Variants in KDM4C observed in about 807,000 individuals in gnomAD.
The protein encoded by KDM4C is lysine-specific demethylase 4C.
Under a neutral mutation model 129.3 loss-of-function variants are expected in KDM4C, and 81 were observed. The observed-to-expected ratio is 0.63, with a 90% confidence interval of 0.52 to 0.75. KDM4C has a LOEUF of 0.75. Ranked by LOEUF, KDM4C falls within the 30% of genes least tolerant of loss-of-function variation. KDM4C has a pLI of 0.00. For missense variants in KDM4C, 1,457 were observed against 1,304.0 expected (o/e 1.12, Z -1.81); for synonymous variants, 573 against 456.1 (o/e 1.26, Z -3.26).
chr9:7,166,869 A>G (rs972064516), intron 20 of KDM4C, among the ~76,000 whole-genome samples: 11 of 151,970 alleles, frequency 7.2e-5, no homozygotes, highest in African/African-American at 2.7e-4. Flanking sequence ...AAAAGTTAAG[A>G]CTAATATTAA....
intron 1 of KDM4C, among the ~76,000 whole-genome samples, chr9:6,767,531 TTC>T (rs994087685): frequency 5.3e-5 from 8 of 151,872 alleles, no homozygotes; most frequent in African/African-American, 1.9e-4. Context: ...GCCTCCCAGG[TTC>T]AAGCGATTCT....
chr9:6,855,295 C>G (rs1308660923), intron 5 of KDM4C, among the ~76,000 whole-genome samples: 1 of 151,748 alleles, frequency 6.6e-6, no homozygotes. Context: ...CGCATCTGTA[C>G]TAAAAATACA....
At chr9:6,903,527 T>C (rs1263960079) in intron 8 of KDM4C, among the ~76,000 whole-genome samples, 2 of 152,156 alleles carry the variant, frequency 1.3e-5, no homozygotes, top group East Asian at 3.8e-4. Context: ...TCTTGCGCTT[T>C]TACCATTTTC....
At chr9:7,122,190 G>A (rs1471770022) in intron 18 of KDM4C, among the ~76,000 whole-genome samples, 1 of 151,652 alleles carries the variant, frequency 6.6e-6, no homozygotes, top group Non-Finnish European at 1.5e-5. Flanking sequence ...AGGGGAAGCA[G>A]CTCATCTTAT....
At chr9:7,013,199 G>A (rs936040617) in intron 13 of KDM4C, among the ~76,000 whole-genome samples, 3 of 152,136 alleles carry the variant, frequency 2.0e-5, no homozygotes, top group Admixed American at 2.0e-4. Flanking sequence ...TATAAAATCT[G>A]TAAGGTAATT....
At position 6,758,670 on chromosome 9, in the gene KDM4C, C is replaced by T. The variant is rs1588084591; in HGVS notation, c.-18+467C>T. ...GAGCTCCTCTCCTGACCACCCGTTG[C>T]AGGCAGTCATCCCGTCATTCGGGGT... On this transcript the variant is annotated intron_variant, in intron 1 of 21. Transcript: ENST00000381309. The surrounding 1 kb of genome is among the most constrained non-coding windows in gnomAD (Gnocchi z 4.6). 6.6e-6 allele frequency among the ~76,000 whole-genome samples: 1 copy of T among 152,260 alleles called. No individual in the cohort carries two copies. The highest frequency in any genetic ancestry group is 2.4e-5 in the African/African-American group (1 of 41,478).
Position 7,093,073 on chromosome 9 carries a change from G to T in KDM4C, c.2425-10612G>T, listed in dbSNP as rs79167572. Among the ~76,000 whole-genome samples, 265 of 152,246 alleles carry T rather than the reference G, an allele frequency of 1.7e-3. 1 individual carries two copies. Among genetic ancestry groups the T allele is most frequent in the Middle Eastern group, 6.8e-3 (2 of 294 alleles). On this transcript the variant is annotated intron_variant, in intron 17 of 21. Transcript: ENST00000381309. ...TGGGCTTGTCCAATATCTGTTTGGA[G>T]TCAGTCATCCAATTTTTCATGACAG...
Position 6,943,013 on chromosome 9 carries a change from G to A in KDM4C, c.922-37912G>A, listed in dbSNP as rs187275305. On this transcript the variant is annotated intron_variant, in intron 8 of 21. Transcript: ENST00000381309. Reference sequence around the variant, plus strand: ...CCTGAGTAGCTACGACTACAGCCATGTGCCACCTTGCCCGCATAATTTTTT... The same window carrying A: ...CCTGAGTAGCTACGACTACAGCCATATGCCACCTTGCCCGCATAATTTTTT... Among the ~76,000 whole-genome samples the A allele has an allele frequency of 4.7e-3, 717 of 152,082 alleles. 6 individuals are homozygous for A. Among genetic ancestry groups the A allele is most frequent in the African/African-American group, 0.016 (677 of 41,450 alleles).
chr9:6,729,371 C>T lies in KDM4C; in HGVS notation c.49+8374C>T, dbSNP rs747969727. Among the ~76,000 whole-genome samples, 6 of 129,078 alleles carry T rather than the reference C, an allele frequency of 4.6e-5. 2 individuals carry two copies. Among genetic ancestry groups the T allele is most frequent in the African/African-American group, 6.8e-5 (2 of 29,624 alleles). The allele number at this position is 129,078 out of a possible 152,430, so 84.7% of individuals were successfully genotyped here. On this transcript the variant is annotated intron_variant, in intron 1 of 17. Coordinates refer to the KDM4C transcript ENST00000536108. ...GCCTGGGCAAATGGTGAAACCCTAT[C>T]CCTACTAAAAATACAAAAAACTAGC... is the stretch of plus-strand genomic sequence containing the variant.
chr9:6,855,268 G>T (rs1201269245), intron 5 of KDM4C, among the ~76,000 whole-genome samples: 2 of 151,954 alleles, frequency 1.3e-5, no homozygotes. Context: ...AGACTAGCCT[G>T]GCCAACATAG....
At chr9:6,886,787 T>G (rs1197633793) in intron 6 of KDM4C, among the ~76,000 whole-genome samples, 2 of 152,062 alleles carry the variant, frequency 1.3e-5, no homozygotes, top group Admixed American at 6.6e-5. Flanking sequence ...CCACCGCACT[T>G]GGCCTGTATT....
intron 1 of KDM4C, among the ~76,000 whole-genome samples, chr9:6,741,845 C>T (rs1257183348): frequency 6.6e-6 from 1 of 151,280 alleles, no homozygotes; most frequent in Non-Finnish European, 1.5e-5. Flanking sequence ...TGGGATTATC[C>T]ACGTGAGCCA....
chr9:6,809,831 CTACAATAAA>C (rs1236593371), intron 3 of KDM4C, among the ~76,000 whole-genome samples: 2 of 152,040 alleles, frequency 1.3e-5, no homozygotes, highest in East Asian at 3.9e-4. Context: ...AATCCAGTCT[CTACAATAAA>C]TACAAAAATT....
chr9:6,833,771 G>A (rs1835339631), intron 4 of KDM4C, among the ~76,000 whole-genome samples: 1 of 152,156 alleles, frequency 6.6e-6, no homozygotes, highest in African/African-American at 2.4e-5. Context: ...AGGCCTTAAC[G>A]AGATAGTTAT....
intron 4 of KDM4C, among the ~76,000 whole-genome samples, chr9:6,839,677 C>T (rs1437490004): frequency 6.6e-6 from 1 of 152,048 alleles, no homozygotes; most frequent in Admixed American, 6.6e-5. Flanking sequence ...GAGGCCGAGG[C>T]AGGAGGATCA....
intron 1 of KDM4C, among the ~76,000 whole-genome samples, chr9:6,721,388 A>T (rs535120695): frequency 3.2e-4 from 47 of 147,980 alleles, no homozygotes; most frequent in Non-Finnish European, 6.2e-4. Context: ...GGTTCAAGCG[A>T]TTCTTGTGCC....
At chr9:6,868,131 C>G (rs549995944) in intron 5 of KDM4C, among the ~76,000 whole-genome samples, 2 of 152,008 alleles carry the variant, frequency 1.3e-5, no homozygotes, top group African/African-American at 4.8e-5. Context: ...CCTGGAGGCA[C>G]CTTGTAGAGC....
At chr9:6,766,039 T>C (rs1228864366) in intron 1 of KDM4C, among the ~76,000 whole-genome samples, 1 of 152,176 alleles carries the variant, frequency 6.6e-6, no homozygotes, top group East Asian at 1.9e-4. Flanking sequence ...TCCGCCCACC[T>C]CAGCCTCCCA....
At position 6,918,941 on chromosome 9, in the gene KDM4C, GC is replaced by G. The variant is rs199769386; in HGVS notation, c.921+25711del. ...GTCTTAGCTCACTGCAACCTCTGCTGCCTGGGTTCAAGCGATTCTCCTGCCT... is the reference window on the plus strand; with the variant it reads ...GTCTTAGCTCACTGCAACCTCTGCTGCTGGGTTCAAGCGATTCTCCTGCCT... On this transcript the variant is annotated intron_variant, in intron 8 of 21. Transcript: ENST00000381309. Among the ~76,000 whole-genome samples the G allele has an allele frequency of 1.8e-3, 271 of 151,960 alleles. 9 individuals carry two copies. The East Asian group carries it at 0.047, about 26-fold the overall frequency.
Sources: gnomAD v4.1 joint callset for allele counts (sites outside exome capture counted in the v4.1 genomes callset) on GRCh38, gnomAD v4.1.1 for gene constraint, Gnocchi (gnomAD v3.1) non-coding constraint, MANE v1.5 for transcripts, NCBI Gene and HGNC (gene_info 2026-07-23, HGNC 2026-07-21) for gene names.